Variants in DYNC2H1 observed in about 807,000 individuals in gnomAD.
DYNC2H1 encodes the protein cytoplasmic dynein 2 heavy chain 1.
DYNC2H1 carries 410 observed loss-of-function variants against 570.0 expected under a neutral mutation model. The ratio of observed to expected loss-of-function variants is 0.72; its 90% CI spans 0.66 to 0.78. The LOEUF (loss-of-function observed/expected upper bound fraction) is 0.78, where lower values mean the gene tolerates loss of function less well. Among genes scored for constraint, DYNC2H1 ranks in the 30% least tolerant of loss-of-function variants. The pLI, the probability that DYNC2H1 is intolerant of heterozygous loss-of-function variation, is 0.00. For missense variants in DYNC2H1, 4,865 were observed against 5,046.4 expected (o/e 0.96, Z 1.09); for synonymous variants, 1,688 against 1,677.6 (o/e 1.01, Z -0.15).
In DYNC2H1 at chr11:103,204,937, G is replaced by A. The variant is rs751425724; in HGVS notation, c.8427G>A (p.Glu2809=). 6.3e-7 allele frequency: 1 copy of A among 1,591,114 alleles called. No homozygotes were observed. Among genetic ancestry groups the A allele is most frequent in the South Asian group, 1.1e-5 (1 of 87,776 alleles). ...LHKKCQVLWM[E]GWSNSSMKKI... ...AGAAATGCCAGGTGTTGTGGATGGA[G>A]GGTTGGTCCAATAGCAGTATGAAGA... Residue 2809 remains glutamate, a synonymous_variant, in exon 52 of 89, where the codon GAG becomes GAA. Transcript: ENST00000375735. The surrounding 1 kb of genome is among the most constrained non-coding windows in gnomAD (Gnocchi z 4.1).
At chr11:103,372,799 A>G (rs1342532499) in intron 83 of DYNC2H1, among the ~76,000 whole-genome samples, 2 of 152,134 alleles carry the variant, frequency 1.3e-5, no homozygotes, top group African/African-American at 4.8e-5. Context: ...TTTTTTTGGA[A>G]TAGTTTGAAG....
chr11:103,399,607 T>A, intron 83 of DYNC2H1, 56 bp from the exon 84 acceptor site: 1 of 1,242,574 alleles, frequency 8.0e-7, no homozygotes, highest in Non-Finnish European at 1.1e-6. Flanking sequence ...CAAAGCGTTT[T>A]ATATATCAGT....
chr11:103,317,597 T>C lies in DYNC2H1; in HGVS notation c.11725+977T>C, dbSNP rs1000301924. 7.2e-5 allele frequency among the ~76,000 whole-genome samples: 11 copies of C among 152,304 alleles called. 1 individual carries two copies. Among genetic ancestry groups the C allele is most frequent in the African/African-American group, 2.4e-5 (1 of 41,566 alleles). The stretch of plus-strand genomic sequence containing the variant: ...ATATAATTTTCCTGTTTAAAACCTA[T>C]ATCCATATTTGGCATCTTTGTGTTC... On this transcript the variant is annotated intron_variant, in intron 80 of 88. Transcript: ENST00000375735.
intron 88 of DYNC2H1, among the ~76,000 whole-genome samples, chr11:103,478,535 A>G (rs1565634302): frequency 6.6e-6 from 1 of 152,178 alleles, no homozygotes; most frequent in Non-Finnish European, 1.5e-5. Context: ...AATACAAGGA[A>G]CAGACAGAGC....
rs150313921 is a variant in DYNC2H1 at position 103,252,614 on chromosome 11, C to T, written c.10043-671C>T. Among the ~76,000 whole-genome samples the T allele has an allele frequency of 5.3e-5, 8 of 152,214 alleles. No homozygotes were observed. Among genetic ancestry groups the T allele is most frequent in the Non-Finnish European group, 1.0e-4 (7 of 68,002 alleles). Reference sequence around the variant, plus strand: ...TGATAAGTGATGTTGAGCATCGTTTCATATAGCTGTTGGCCATATTTGTAT... The same window carrying T: ...TGATAAGTGATGTTGAGCATCGTTTTATATAGCTGTTGGCCATATTTGTAT... On this transcript the variant is annotated intron_variant, in intron 65 of 88. Coordinates refer to ENST00000375735, the MANE Select transcript of DYNC2H1 (RefSeq NM_001377.3). The surrounding 1 kb of genome is among the most constrained non-coding windows in gnomAD (Gnocchi z 4.6).
At chr11:103,257,492 A>G in intron 68 of DYNC2H1, 116 bp from the exon 69 acceptor site, 2 of 1,063,200 alleles carry the variant, frequency 1.9e-6, no homozygotes, top group Non-Finnish European at 1.3e-6. Context: ...GTGCATAGAA[A>G]AAGTAAGGTT....
intron 83 of DYNC2H1, among the ~76,000 whole-genome samples, chr11:103,386,744 TGTG>T (rs1440983473): frequency 6.6e-6 from 1 of 152,044 alleles, no homozygotes; most frequent in African/African-American, 2.4e-5. Flanking sequence ...AGTGAGAACA[TGTG>T]GTGTTTGTTT....
At chr11:103,444,675 T>C (rs992358382) in intron 85 of DYNC2H1, among the ~76,000 whole-genome samples, 5 of 152,322 alleles carry the variant, frequency 3.3e-5, no homozygotes, top group African/African-American at 1.2e-4. Flanking sequence ...GTATGTATGG[T>C]CAGGGAAAGC....
rs777253444 is a variant in DYNC2H1, at chr11:103,311,962, C to A, written c.11578C>A (p.Arg3860=). 6.6e-5 allele frequency: 107 copies of A among 1,613,584 alleles called. No homozygotes were observed. Among genetic ancestry groups the A allele is most frequent in the Non-Finnish European group, 8.1e-5 (95 of 1,179,774 alleles). Reference sequence around the variant, plus strand: ...AATTAGCAAAAAAGATAATACACATCGAGCTCATGCTCTCTTCAGTCTTGC... The same window carrying A: ...AATTAGCAAAAAAGATAATACACATAGAGCTCATGCTCTCTTCAGTCTTGC... The part of the protein sequence containing the change: ...EQISKKDNTH[R]AHALFSLAWF... Residue 3860 remains arginine, a synonymous_variant, in exon 79 of 89, where the codon CGA becomes AGA. Transcript: ENST00000375735.
chr11:103,156,571 CA>C lies in DYNC2H1; in HGVS notation c.3930del (p.Gln1310HisfsTer3), dbSNP rs1860835873. 1 of 1,613,618 alleles carries C rather than the reference CA, an allele frequency of 6.2e-7. No individual in the cohort carries two copies. Among genetic ancestry groups the C allele is most frequent in the Non-Finnish European group, 8.5e-7 (1 of 1,179,686 alleles). On this transcript the variant is annotated frameshift_variant, in exon 26 of 89. Transcript: ENST00000375735. LOFTEE classifies it high-confidence loss of function. ...GGTTGGAGATAATAGATGCCTTCTC[CA>C]ATCCTTAAAGGATTCTCCTTATTAT... ...NQVGDNRCLL[Q>X]SLKDSPYYKG...
chr11:103,123,459 A>G (rs2134726543), intron 11 of DYNC2H1, among the ~76,000 whole-genome samples: 1 of 152,276 alleles, frequency 6.6e-6, no homozygotes. Flanking sequence ...TGAATGTATT[A>G]ATGAGTTAAC....
chr11:103,358,407 C>G (rs778106079), intron 83 of DYNC2H1, 48 bp downstream of exon 83: 3 of 1,266,840 alleles, frequency 2.4e-6, no homozygotes, highest in Admixed American at 2.0e-5. Flanking sequence ...TCTCCCGCAT[C>G]GTAACCATGT....
chr11:103,370,017 G>A (rs1163027618), intron 83 of DYNC2H1, among the ~76,000 whole-genome samples: 2 of 152,234 alleles, frequency 1.3e-5, no homozygotes, highest in Non-Finnish European at 2.9e-5. Flanking sequence ...GAGGCTCTTG[G>A]AGCCCCAATT....
intron 69 of DYNC2H1, among the ~76,000 whole-genome samples, chr11:103,258,756 C>T (rs1865158093): frequency 6.6e-6 from 1 of 152,184 alleles, no homozygotes; most frequent in South Asian, 2.1e-4. Context: ...TGTGTCATTT[C>T]TGCTGTATTG....
chr11:103,437,687 A>G (rs951269224), intron 85 of DYNC2H1, among the ~76,000 whole-genome samples: 1 of 152,172 alleles, frequency 6.6e-6, no homozygotes, highest in Non-Finnish European at 1.5e-5. Flanking sequence ...TTAGAACAGT[A>G]TAGAAATGCT....
At position 103,129,185 on chromosome 11, in the gene DYNC2H1, A is replaced by G. The variant is rs1859142613; in HGVS notation, c.1953+180A>G. Among the ~76,000 whole-genome samples the G allele has an allele frequency of 6.6e-6, 1 of 152,234 alleles. No individual in the cohort carries two copies. The highest frequency in any genetic ancestry group is 2.4e-5 in the African/African-American group (1 of 41,464). ...TTTCTAACTGTAGGTTTAAGTGGTTAGAATATTTCATATATTTTGGTACTG... is the reference window on the plus strand; with the variant it reads ...TTTCTAACTGTAGGTTTAAGTGGTTGGAATATTTCATATATTTTGGTACTG... On this transcript the variant is annotated intron_variant, in intron 13 of 88. Transcript: ENST00000375735. This position sits in a 1 kb window ranked among gnomAD's most constrained non-coding sequence, Gnocchi z 4.1.
At chr11:103,322,595 G>A (rs915594126) in intron 81 of DYNC2H1, among the ~76,000 whole-genome samples, 9 of 151,938 alleles carry the variant, frequency 5.9e-5, no homozygotes, top group Admixed American at 2.6e-4. Context: ...TACAAGTAAG[G>A]GTAAATCAGT....
Position 103,147,860 on chromosome 11 carries a change from G to C in DYNC2H1, c.2791G>C (p.Val931Leu). 6.2e-7 allele frequency: 1 copy of C among 1,610,690 alleles called. No homozygotes were observed. The highest frequency in any genetic ancestry group is 1.3e-5 in the African/African-American group (1 of 74,948). ...CATCCAGAAGTTATTTGATCTGCTT[G>C]TTCTTTCTTTGAAGAAGTCCATACA... ...DLIQKLFDLL[V>L]LSLKKSIQAH... The change falls in exon 19 of 89, where the codon GTT becomes CTT. Residue 931 changes from valine (V) to leucine (L), a missense_variant. Around this residue, in one of 5 missense-constraint regions of DYNC2H1, gnomAD observed 1,936 missense variants for 1,962.1 expected, o/e 0.99. Coordinates refer to ENST00000375735, the MANE Select transcript of DYNC2H1 (RefSeq NM_001377.3).
Position 103,261,315 on chromosome 11 carries a change from ATCGGATC to A in DYNC2H1, c.10695+1341_10695+1347del, listed in dbSNP as rs1865272429. Among the ~76,000 whole-genome samples the A allele has an allele frequency of 6.6e-6, 1 of 152,222 alleles. No individual in the cohort carries two copies. Reference sequence around the variant, plus strand: ...CCCACCTGCTGGCTCTGAAGAGAGCATCGGATCTCCAACACAGAGCTTGAGCTCTGCT... The same window carrying A: ...CCCACCTGCTGGCTCTGAAGAGAGCATCCAACACAGAGCTTGAGCTCTGCT... On this transcript the variant is annotated intron_variant, in intron 70 of 88. Transcript: ENST00000375735. This position sits in a 1 kb window ranked among gnomAD's most constrained non-coding sequence, Gnocchi z 4.8.
Sources: allele counts gnomAD v4.1 joint callset (sites outside exome capture counted in the v4.1 genomes callset), GRCh38; gene constraint gnomAD v4.1.1; regional missense constraint gnomAD v4.1.1; non-coding constraint Gnocchi (gnomAD v3.1); transcripts MANE v1.5; gene names NCBI Gene and HGNC (gene_info 2026-07-23, HGNC 2026-07-21).